CNTNAP2: variants seen among roughly 807,000 people sequenced by gnomAD.
CNTNAP2 encodes contactin-associated protein-like 2.
A neutral mutation model predicts 155.2 loss-of-function variants in CNTNAP2; 98 were observed. That is an observed-to-expected ratio of 0.63 (90% CI 0.54 to 0.75). The LOEUF is 0.75. CNTNAP2 is among the 30% of genes least tolerant of loss of function. The probability of loss-of-function intolerance (pLI) is 0.00; values close to 1 mark genes in which losing one functional copy is unlikely to be tolerated. For synonymous variants in CNTNAP2, 651 were observed against 631.2 expected (o/e 1.03, Z -0.47); for missense variants, 1,727 against 1,688.1 (o/e 1.02, Z -0.40).
At chr7:146,955,070 T>C (rs12703863) in intron 3 of CNTNAP2, among the ~76,000 whole-genome samples, 41,109 of 151,806 alleles carry the variant, frequency 0.27, 6,742 homozygotes, top group Non-Finnish European at 0.36. Context: ...TTATTTGGCA[T>C]TGGATAGTGT....
intron 8 of CNTNAP2, among the ~76,000 whole-genome samples, chr7:147,236,888 T>C (rs555032377): frequency 3.3e-5 from 5 of 152,054 alleles, no homozygotes; most frequent in Non-Finnish European, 7.4e-5. Flanking sequence ...TAAAGACTGA[T>C]GTAAAAATAA....
intron 15 of CNTNAP2, among the ~76,000 whole-genome samples, chr7:148,010,863 G>A (rs1283470276): frequency 6.6e-6 from 1 of 151,956 alleles, no homozygotes; most frequent in Non-Finnish European, 1.5e-5. Flanking sequence ...CATTGTCAAT[G>A]CTGCACAAAT....
intron 3 of CNTNAP2, among the ~76,000 whole-genome samples, chr7:146,922,421 T>C (rs1796521147): frequency 6.6e-6 from 1 of 152,128 alleles, no homozygotes; most frequent in African/African-American, 2.4e-5. Context: ...AGTCCCCCCA[T>C]GTCCTGAACG....
At chr7:147,704,019 G>T (rs1167960030) in intron 13 of CNTNAP2, among the ~76,000 whole-genome samples, 1 of 152,054 alleles carries the variant, frequency 6.6e-6, no homozygotes, top group Non-Finnish European at 1.5e-5. Flanking sequence ...CATCCATGTT[G>T]CTGTAAATGA....
intron 8 of CNTNAP2, among the ~76,000 whole-genome samples, chr7:147,298,380 C>G (rs1355678624): frequency 5.9e-5 from 9 of 151,762 alleles, no homozygotes; most frequent in Non-Finnish European, 1.0e-4. Flanking sequence ...GCCGAGATCC[C>G]GTCATTGCAC....
At chr7:147,564,490 A>C (rs1410767810) in intron 12 of CNTNAP2, among the ~76,000 whole-genome samples, 1 of 152,154 alleles carries the variant, frequency 6.6e-6, no homozygotes, top group Non-Finnish European at 1.5e-5. Context: ...CTAATATATG[A>C]AAATATATAA....
intron 8 of CNTNAP2, among the ~76,000 whole-genome samples, chr7:147,243,455 C>T (rs1044729833): frequency 6.6e-6 from 1 of 152,130 alleles, no homozygotes; most frequent in African/African-American, 2.4e-5. Flanking sequence ...ATTCACATGA[C>T]TTTCTAACTT....
intron 14 of CNTNAP2, among the ~76,000 whole-genome samples, 157 bp downstream of exon 14, chr7:147,903,878 T>G (rs1799916610): frequency 6.6e-6 from 1 of 152,140 alleles, no homozygotes; most frequent in South Asian, 2.1e-4. Context: ...AGGAACATAC[T>G]GAAAAATATA....
At chr7:148,060,343 A>G (rs1299339935) in intron 15 of CNTNAP2, among the ~76,000 whole-genome samples, 1 of 152,156 alleles carries the variant, frequency 6.6e-6, no homozygotes, top group Non-Finnish European at 1.5e-5. Context: ...CTTTATACAT[A>G]TATATGTATA....
chr7:147,719,480 T>C (rs1796531470), intron 13 of CNTNAP2, among the ~76,000 whole-genome samples: 1 of 152,082 alleles, frequency 6.6e-6, no homozygotes, highest in Non-Finnish European at 1.5e-5. Flanking sequence ...CCAGCTTCTG[T>C]ACACAGACCT....
intron 1 of CNTNAP2, among the ~76,000 whole-genome samples, chr7:146,283,926 A>AAAATGC (rs1641307855): frequency 6.6e-6 from 1 of 152,196 alleles, no homozygotes; most frequent in Non-Finnish European, 1.5e-5. Context: ...TCTTACAATA[A>AAAATGC]AAATGCAAAC....
chr7:146,786,892 G>T (rs1381296268), intron 2 of CNTNAP2: 4 of 152,092 alleles, frequency 2.6e-5, no homozygotes, highest in Non-Finnish European at 5.9e-5. Context: ...TTTGAACTGC[G>T]GGTCCTTGTC....
At chr7:148,270,452 C>T (rs1231261105) in intron 21 of CNTNAP2, among the ~76,000 whole-genome samples, 2 of 152,156 alleles carry the variant, frequency 1.3e-5, no homozygotes, top group African/African-American at 2.4e-5. Flanking sequence ...AGCAATGGGT[C>T]CTTGGTGCAC....
intron 4 of CNTNAP2, among the ~76,000 whole-genome samples, chr7:147,102,780 A>G (rs1220348847): frequency 6.6e-6 from 1 of 152,196 alleles, no homozygotes; most frequent in Non-Finnish European, 1.5e-5. Flanking sequence ...AGATACATTG[A>G]AAAAAAGAAA....
chr7:147,686,489 A>G (rs1796019642), intron 13 of CNTNAP2, among the ~76,000 whole-genome samples: 1 of 152,030 alleles, frequency 6.6e-6, no homozygotes, highest in Non-Finnish European at 1.5e-5. Flanking sequence ...ATAAATATAT[A>G]TGTGGATTTT....
rs1289429688 is a variant in CNTNAP2, at chr7:147,158,407, A to C, written c.1348+25898A>C. Among the ~76,000 whole-genome samples, 3 of 152,248 alleles carry C rather than the reference A, an allele frequency of 2.0e-5. No homozygotes were observed. The East Asian group carries it at 5.8e-4, about 29-fold the overall frequency. On this transcript the variant is annotated intron_variant, in intron 8 of 23. Coordinates refer to ENST00000361727, the MANE Select transcript of CNTNAP2 (RefSeq NM_014141.6). Reference sequence around the variant, plus strand: ...TCCTAATAATGCTATTTATGATAATAGTTCTTCAGTGACTTTATTCTGCAC... The same window carrying C: ...TCCTAATAATGCTATTTATGATAATCGTTCTTCAGTGACTTTATTCTGCAC...
intron 11 of CNTNAP2, among the ~76,000 whole-genome samples, chr7:147,514,365 T>G (rs1459540001): frequency 1.3e-5 from 2 of 151,926 alleles, no homozygotes; most frequent in Non-Finnish European, 2.9e-5. Context: ...AGTAAAATCA[T>G]GTATTTTATA....
At chr7:146,518,771 C>T (rs796731577) in intron 1 of CNTNAP2, among the ~76,000 whole-genome samples, 29 of 151,928 alleles carry the variant, frequency 1.9e-4, no homozygotes, top group African/African-American at 6.7e-4. Flanking sequence ...AATCAACTCT[C>T]AGTCATTCAC....
chr7:147,316,612 A>G (rs1270585453), intron 9 of CNTNAP2, among the ~76,000 whole-genome samples: 7 of 152,314 alleles, frequency 4.6e-5, no homozygotes, highest in Admixed American at 2.6e-4. Context: ...ATTTAAATAC[A>G]TATAGTAAAA....
Sources: allele counts gnomAD v4.1 joint callset (sites outside exome capture counted in the v4.1 genomes callset), GRCh38; gene constraint gnomAD v4.1.1; transcripts MANE v1.5; gene names NCBI Gene and HGNC (gene_info 2026-07-23, HGNC 2026-07-21).